The following PTGES2 variants were observed in gnomAD, a reference collection of about 807,000 sequenced individuals.
PTGES2 encodes the protein prostaglandin E synthase 2.
In PTGES2, 35 loss-of-function variants were observed where a neutral mutation model predicts 44.5. The observed-to-expected ratio is 0.79, with a 90% CI of 0.60 to 1.04. The LOEUF (loss-of-function observed/expected upper bound fraction) is 1.04, where lower values mean the gene tolerates loss of function less well. Ranked by LOEUF, PTGES2 falls within the 50% of genes least tolerant of loss-of-function variation. The pLI is 0.00. For synonymous variants in PTGES2, 221 were observed against 227.5 expected, an observed-to-expected ratio of 0.97 and a Z score of 0.26; for missense variants, 517 against 521.4, an observed-to-expected ratio of 0.99 and a Z score of 0.08.
chr9:128,126,269 G>C (rs559458502), intron 1 of PTGES2, among the ~76,000 whole-genome samples: 3 of 152,182 alleles, frequency 2.0e-5, no homozygotes, highest in African/African-American at 7.2e-5. Context: ...ATCTGTGGGC[G>C]GGTGGTGGGA....
At position 128,123,349 on chromosome 9, in the gene PTGES2, C is replaced by T. The variant is rs10987884; in HGVS notation, c.687-215G>A. Reference sequence around the variant, plus strand: ...GCATCCTCCGCCTCCTGGGTTCAAGCGATTCTCCTGCTTCAGCCTCCTTAG... The same window carrying T: ...GCATCCTCCGCCTCCTGGGTTCAAGTGATTCTCCTGCTTCAGCCTCCTTAG... On this transcript the variant is annotated intron_variant, in intron 4 of 6. Transcript: ENST00000338961. This position sits in a 1 kb window ranked among gnomAD's most constrained non-coding sequence, Gnocchi z 4.4. 6.6e-6 allele frequency among the ~76,000 whole-genome samples: 1 copy of T among 151,982 alleles called. No individual in the cohort carries two copies. The highest frequency in any genetic ancestry group is 1.5e-5 in the Non-Finnish European group (1 of 67,990).
intron 6 of PTGES2, 101 bp downstream of exon 6, chr9:128,122,261 C>T: frequency 1.1e-6 from 1 of 914,954 alleles, no homozygotes; most frequent in Non-Finnish European, 1.7e-6. Flanking sequence ...GCAGGTTCCT[C>T]TGGCAAGATG....
rs370822041 is a variant in PTGES2 at position 128,121,102 on chromosome 9, C to T, written c.*43G>A. 4.3e-4 allele frequency: 676 copies of T among 1,555,444 alleles called. No homozygotes were observed. The highest frequency in any genetic ancestry group is 5.8e-4 in the Non-Finnish European group (666 of 1,150,886). Reference sequence around the variant, plus strand: ...GCCCAGTGGCCCCAGGCCCTGGCAGCTGGCGTCTTCCGCTGCCTTCCCTCT... The same window carrying T: ...GCCCAGTGGCCCCAGGCCCTGGCAGTTGGCGTCTTCCGCTGCCTTCCCTCT... On this transcript the variant is annotated 3_prime_UTR_variant, in exon 7 of 7. Coordinates refer to ENST00000338961, the MANE Select transcript of PTGES2 (RefSeq NM_025072.7).
upstream of PTGES2, chr9:128,128,375 C>A (rs1285101740): frequency 2.2e-6 from 1 of 456,158 alleles, no homozygotes; most frequent in Non-Finnish European, 4.4e-6. Flanking sequence ...TTCTGCTGGG[C>A]TCCCCCGCCC....
At position 128,123,141 on chromosome 9, in the gene PTGES2, G is replaced by A. The variant is rs1315165160; in HGVS notation, c.687-7C>T. On this transcript the variant is annotated splice_polypyrimidine_tract_variant and splice_region_variant and intron_variant, in intron 4 of 6. Coordinates refer to ENST00000338961, the MANE Select transcript of PTGES2 (RefSeq NM_025072.7). This position sits in a 1 kb window ranked among gnomAD's most constrained non-coding sequence, Gnocchi z 4.4. ...CCGCCACTTCATCTCCTCCCTGCGG[G>A]CACGGGAGGGACTTCCTAAGCCAGG... 6.2e-7 allele frequency: 1 copy of A among 1,606,666 alleles called. No homozygotes were observed. The highest frequency in any genetic ancestry group is 2.2e-5 in the East Asian group (1 of 44,860).
chr9:128,122,707 C>A, intron 5 of PTGES2: 3 of 633,230 alleles, frequency 4.7e-6, no homozygotes. Flanking sequence ...CCAGTCAGGG[C>A]CCAGGCTTCC....
chr9:128,120,990 G>T lies in PTGES2; in HGVS notation c.*155C>A. 1.0e-6 allele frequency: 1 copy of T among 954,072 alleles called. No individual in the cohort carries two copies. Among genetic ancestry groups the T allele is most frequent in the African/African-American group, 1.7e-5 (1 of 60,154 alleles). The allele number at this position is 954,072 out of a possible 1,614,324, so 59.1% of individuals were successfully genotyped here. A position where few individuals can be genotyped will look rare whatever the true frequency, so the allele number is the denominator to read the frequency against. On this transcript the variant is annotated 3_prime_UTR_variant, in exon 7 of 7. Coordinates refer to ENST00000338961, the MANE Select transcript of PTGES2 (RefSeq NM_025072.7). ...CTAACATCCCTGAGCCCCAGCAGGT[G>T]CCCTGTGTTAGAAGCGAGAGGGCTG...
intron 6 of PTGES2, among the ~76,000 whole-genome samples, 194 bp downstream of exon 6, chr9:128,122,168 T>C (rs541813009): frequency 3.2e-4 from 49 of 152,312 alleles, no homozygotes; most frequent in African/African-American, 1.2e-3. Context: ...TTGTCAGTTA[T>C]GTGAACCAAG....
In PTGES2 at chr9:128,123,072, A is replaced by G; in HGVS notation, c.749T>C (p.Val250Ala). 6.2e-7 allele frequency: 1 copy of G among 1,612,632 alleles called. No homozygotes were observed. Among genetic ancestry groups the G allele is most frequent in the South Asian group, 1.1e-5 (1 of 91,064 alleles). ...CAGAGCCTCGGTGGGCGTGCGGTAC[A>G]CATTGGGGGAGATCAGGTGCACCAG... is the stretch of plus-strand genomic sequence containing the variant. ...DWLVHLISPN[V>A]YRTPTEALAS... The change falls in exon 5 of 7, where the codon GTG (valine) becomes GCG (alanine). Residue 250 changes from valine to alanine, a missense_variant. Physicochemically the swap from Val to Ala is moderately conservative, Grantham distance 64. Coordinates refer to ENST00000338961, the MANE Select transcript of PTGES2 (RefSeq NM_025072.7). The surrounding 1 kb of genome is among the most constrained non-coding windows in gnomAD (Gnocchi z 4.4).
At position 128,127,505 on chromosome 9, in the gene PTGES2, C is replaced by A; in HGVS notation, c.213G>T (p.Gly71=). ...GGTGCCACCGCGCCGTGTGGTACAGCCCCAGGGCTCCCCCCAGGGCCAGCG... is the reference window on the plus strand; with the variant it reads ...GGTGCCACCGCGCCGTGTGGTACAGACCCAGGGCTCCCCCCAGGGCCAGCG... ...AAALALGGAL[G]LYHTARWHLR... Residue 71 remains glycine (G), a synonymous_variant, in exon 1 of 7, where the codon GGG becomes GGT. Coordinates refer to ENST00000338961, the MANE Select transcript of PTGES2 (RefSeq NM_025072.7). 1.5e-6 allele frequency: 2 copies of A among 1,348,424 alleles called. No homozygotes were observed. The highest frequency in any genetic ancestry group is 1.9e-6 in the Non-Finnish European group (2 of 1,048,294). 83.5% of individuals were successfully genotyped at this position (1,348,424 alleles called of 1,614,324 possible).
At chr9:128,121,309 T>C (rs1834403084) in intron 6 of PTGES2, 36 bp from the exon 7 acceptor site, 1 of 1,589,724 alleles carries the variant, frequency 6.3e-7, no homozygotes, top group Non-Finnish European at 8.6e-7. Flanking sequence ...CCATAGCTGG[T>C]TTGACAGGCA....
intron 5 of PTGES2, chr9:128,122,711 G>C: frequency 1.6e-6 from 1 of 635,044 alleles, no homozygotes; most frequent in South Asian, 2.0e-5. Flanking sequence ...TCAGGGCCCA[G>C]GCTTCCGGCT....
rs370585508 is a variant in PTGES2 at position 128,123,664 on chromosome 9, G to C, written c.686+38C>G. ...GTCCTACTCTACAGAAGACCCCTGC[G>C]GTCACCACCTTCCCCCGCCAGCCCC... On this transcript the variant is annotated intron_variant, in intron 4 of 6. Coordinates refer to ENST00000338961, the MANE Select transcript of PTGES2 (RefSeq NM_025072.7). The surrounding 1 kb of genome is among the most constrained non-coding windows in gnomAD (Gnocchi z 4.4). The C allele has an allele frequency of 6.3e-7, 1 of 1,596,802 alleles. No homozygotes were observed. Among genetic ancestry groups the C allele is most frequent in the South Asian group, 1.1e-5 (1 of 89,646 alleles).
In PTGES2 at chr9:128,127,707, G is replaced by A; in HGVS notation, c.11C>T (p.Ala4Val). 2 of 1,279,374 alleles carry A rather than the reference G, an allele frequency of 1.6e-6. No homozygotes were observed. The highest frequency in any genetic ancestry group is 5.2e-5 in the South Asian group (2 of 38,362). 79.3% of individuals were successfully genotyped at this position (1,279,374 alleles called of 1,614,324 possible). MDP[A>V]ARVVRALWPG... ...CCACAGCGCCCGCACCACCCGCGCA[G>A]CCGGGTCCATGTTCGCTCCGCCGGC... Residue 4 changes from alanine (A) to valine (V), a missense_variant, in exon 1 of 7, where the codon GCT becomes GTT. Ala to Val is a moderately conservative substitution (Grantham distance 64). Coordinates refer to ENST00000338961, the MANE Select transcript of PTGES2 (RefSeq NM_025072.7).
chr9:128,127,741 C>T, upstream of PTGES2: 1 of 1,251,536 alleles, frequency 8.0e-7, no homozygotes, highest in Non-Finnish European at 1.0e-6. Flanking sequence ...GCGCCGCGGG[C>T]GGGCGCGCGA....
rs1834403948 is a variant in PTGES2 at position 128,121,333 on chromosome 9, C to T, written c.1006-60G>A. 7.7e-6 allele frequency: 12 copies of T among 1,562,576 alleles called. No homozygotes were observed. In the Admixed American group the frequency reaches 1.1e-4, roughly 14 times the overall value. The stretch of plus-strand genomic sequence containing the variant: ...GTTTGACAGGCATCCAGACCTCCTT[C>T]GTTCCCTGCCAGCTGTGTGGCCAGG... On this transcript the variant is annotated intron_variant, in intron 6 of 6. Transcript: ENST00000338961.
chr9:128,123,017 G>A lies in PTGES2; in HGVS notation c.804C>T (p.Gly268=), dbSNP rs1169494372. The change falls in exon 5 of 7, where the codon GGC becomes GGT. Residue 268 remains glycine, a synonymous_variant. Coordinates refer to ENST00000338961, the MANE Select transcript of PTGES2 (RefSeq NM_025072.7). The surrounding 1 kb of genome is among the most constrained non-coding windows in gnomAD (Gnocchi z 4.4). ...CGGCACCCTCCACGGCTCCGAACTT[G>A]CCCTCGCGGACAATGTAGTCAAAGG... is the stretch of plus-strand genomic sequence containing the variant. The part of the protein sequence containing the change: ...LASFDYIVRE[G]KFGAVEGAVA... The A allele has an allele frequency of 1.2e-6, 2 of 1,613,928 alleles. No homozygotes were observed. The highest frequency in any genetic ancestry group is 1.7e-5 in the Admixed American group (1 of 60,028).
intron 2 of PTGES2, chr9:128,124,803 G>A (rs946417649): frequency 6.2e-5 from 81 of 1,299,262 alleles, no homozygotes; most frequent in Non-Finnish European, 7.7e-5. Context: ...AGGTAGAGGG[G>A]CAGGGTGGGT....
Position 128,122,890 on chromosome 9 carries a change from G to A in PTGES2, c.887+44C>T, listed in dbSNP as rs530840625. The A allele has an allele frequency of 1.4e-5, 22 of 1,601,318 alleles. No individual in the cohort carries two copies. In the Admixed American group the frequency reaches 1.5e-4, roughly 11 times the overall value. On this transcript the variant is annotated intron_variant, in intron 5 of 6. Coordinates refer to ENST00000338961, the MANE Select transcript of PTGES2 (RefSeq NM_025072.7). Reference sequence around the variant, plus strand: ...TGGGATCACCACTGCTCGTGGCACCGGAGGCTCGGGGACAGCAGGCCCCGG... The same window carrying A: ...TGGGATCACCACTGCTCGTGGCACCAGAGGCTCGGGGACAGCAGGCCCCGG...
Sources: gnomAD v4.1 joint callset for allele counts (sites outside exome capture counted in the v4.1 genomes callset) on GRCh38, gnomAD v4.1.1 for gene constraint, Gnocchi (gnomAD v3.1) non-coding constraint, MANE v1.5 for transcripts, NCBI Gene and HGNC (gene_info 2026-07-23, HGNC 2026-07-21) for gene names.